Variants in MYO5C observed in about 807,000 individuals in gnomAD.
MYO5C encodes myosin VC.
In MYO5C, 194 loss-of-function variants were observed where a neutral mutation model predicts 235.7. The ratio of observed to expected loss-of-function variants is 0.82; its 90% confidence interval spans 0.73 to 0.93. MYO5C has a LOEUF of 0.93. Ranked by LOEUF, MYO5C falls within the 40% of genes least tolerant of loss-of-function variation. MYO5C has a pLI of 0.00. For synonymous variants in MYO5C, 707 were observed against 754.8 expected (o/e 0.94, Z 1.04); for missense variants, 2,038 against 2,127.2 (o/e 0.96, Z 0.82).
At chr15:52,245,119 G>C (rs2036309835) in intron 18 of MYO5C, among the ~76,000 whole-genome samples, 1 of 152,248 alleles carries the variant, frequency 6.6e-6, no homozygotes, top group South Asian at 2.1e-4. Flanking sequence ...GAGCTAAACA[G>C]GATACGAGGA....
At chr15:52,263,452 T>G (rs1596207628) in intron 9 of MYO5C, among the ~76,000 whole-genome samples, 1 of 152,180 alleles carries the variant, frequency 6.6e-6, no homozygotes, top group Non-Finnish European at 1.5e-5. Context: ...CACTGATGTC[T>G]GATTCAAGCA....
At chr15:52,260,784 C>T (rs1000090425) in intron 10 of MYO5C, 78 bp downstream of exon 10, 3 of 1,482,146 alleles carry the variant, frequency 2.0e-6, no homozygotes, top group Non-Finnish European at 2.8e-6. Context: ...ACAAAAGAAC[C>T]AGAACAAAAT....
At chr15:52,291,975 G>A (rs113037615) in intron 1 of MYO5C, among the ~76,000 whole-genome samples, 12,873 of 151,726 alleles carry the variant, frequency 0.085, 1,286 homozygotes, top group African/African-American at 0.24. Flanking sequence ...TCCTGACCTC[G>A]TGATCCGCCC....
At chr15:52,272,250 A>G (rs550622474) in intron 6 of MYO5C, among the ~76,000 whole-genome samples, 1 of 152,318 alleles carries the variant, frequency 6.6e-6, no homozygotes, top group Admixed American at 6.5e-5. Context: ...TCCCTTCCTG[A>G]TAGGAAAGCC....
At chr15:52,225,612 A>G (rs2141292483) in intron 25 of MYO5C, 80 bp from the exon 26 acceptor site, 1 of 959,352 alleles carries the variant, frequency 1.0e-6, no homozygotes, top group East Asian at 2.4e-5. Context: ...ACACAATTAC[A>G]GCGTTGCGTG....
rs974688338 is a variant in MYO5C, at chr15:52,274,675, C to CT, written c.606+886_606+887insA. Reference sequence around the variant, plus strand: ...GCTTTGCAGTGTTTCTTAGTACCCCCCCCCCGACATATGTTTCTATTTAAT... The same window carrying CT: ...GCTTTGCAGTGTTTCTTAGTACCCCCTCCCCCGACATATGTTTCTATTTAAT... On this transcript the variant is annotated intron_variant, in intron 5 of 40. Coordinates refer to ENST00000261839, the MANE Select transcript of MYO5C (RefSeq NM_018728.4). Among the ~76,000 whole-genome samples, 36 of 148,268 alleles carry CT rather than the reference C, an allele frequency of 2.4e-4. 1 individual carries two copies. Among genetic ancestry groups the CT allele is most frequent in the African/African-American group, 7.0e-4 (28 of 40,224 alleles).
rs139026067 is a variant in MYO5C at position 52,283,600 on chromosome 15, T to C, written c.28-708A>G. ...CATATGTTGAAGCCCTAACCCCCAA[T>C]TGACTATATCTGAGAAGGATCTTCA... On this transcript the variant is annotated intron_variant, in intron 1 of 40. Coordinates refer to ENST00000261839, the MANE Select transcript of MYO5C (RefSeq NM_018728.4). Among the ~76,000 whole-genome samples the C allele has an allele frequency of 9.2e-5, 14 of 152,198 alleles. No homozygotes were observed. The East Asian group carries it at 1.5e-3, about 17-fold the overall frequency.
intron 3 of MYO5C, 23 bp from the exon 4 acceptor site, chr15:52,279,040 G>T (rs2140856558): frequency 6.3e-7 from 1 of 1,590,018 alleles, no homozygotes; most frequent in Non-Finnish European, 8.6e-7. Context: ...GTTAGATGCA[G>T]TTAAAATACT....
intron 36 of MYO5C, among the ~76,000 whole-genome samples, chr15:52,207,203 G>T (rs987230027): frequency 6.6e-6 from 1 of 151,950 alleles, no homozygotes; most frequent in East Asian, 1.9e-4. Flanking sequence ...AGGAACAAGA[G>T]AAATTTTAGA....
At chr15:52,222,308 A>T (rs1337001681) in intron 29 of MYO5C, among the ~76,000 whole-genome samples, 1 of 152,170 alleles carries the variant, frequency 6.6e-6, no homozygotes, top group Non-Finnish European at 1.5e-5. Flanking sequence ...ATAAACAAAG[A>T]TGTAAAGGTC....
intron 40 of MYO5C, 142 bp from the exon 41 acceptor site, chr15:52,194,196 T>G (rs920248940): frequency 2.9e-6 from 2 of 694,632 alleles, no homozygotes; most frequent in African/African-American, 1.8e-5. Context: ...ATGAGAACTT[T>G]TTAACAACAG....
chr15:52,291,308 T>C (rs149390330), intron 1 of MYO5C, among the ~76,000 whole-genome samples: 9 of 152,262 alleles, frequency 5.9e-5, no homozygotes, highest in East Asian at 1.9e-4. Flanking sequence ...AGAGAAATGG[T>C]TGGTGGCACT....
rs763037199 is a variant in MYO5C, at chr15:52,221,222, AT to A, written c.3660del (p.Glu1220AspfsTer13). ...MIPDFKQQIS[E>X]LEKQKQDLEI... ...TCAAGATCTTGCTTCTGTTTCTCCA[AT>A]TCTGAAATTTGCTGTTTAAAGTCTG... On this transcript the variant is annotated frameshift_variant, in exon 30 of 41. Coordinates refer to ENST00000261839, the MANE Select transcript of MYO5C (RefSeq NM_018728.4). LOFTEE classifies it high-confidence loss of function. 1 of 1,612,946 alleles carries A rather than the reference AT, an allele frequency of 6.2e-7. No individual in the cohort carries two copies. The highest frequency in any genetic ancestry group is 2.2e-5 in the East Asian group (1 of 44,858).
intron 37 of MYO5C, 124 bp from the exon 38 acceptor site, chr15:52,205,271 A>G: frequency 9.1e-7 from 1 of 1,098,430 alleles, no homozygotes; most frequent in Non-Finnish European, 1.3e-6. Flanking sequence ...TGTACTTATG[A>G]TAGAGAAAGC....
At chr15:52,278,838 A>T in intron 4 of MYO5C, 35 bp downstream of exon 4, 1 of 1,610,434 alleles carries the variant, frequency 6.2e-7, no homozygotes. Context: ...GAGCATTGGC[A>T]GAGCAAGGGG....
intron 38 of MYO5C, among the ~76,000 whole-genome samples, chr15:52,201,779 A>C (rs1377205541): frequency 6.6e-6 from 1 of 152,114 alleles, no homozygotes; most frequent in Non-Finnish European, 1.5e-5. Context: ...AGGGAGGCTA[A>C]AGGGGCCTAC....
Position 52,256,339 on chromosome 15 carries a change from T to C in MYO5C, c.1395+300A>G, listed in dbSNP as rs908321190. 3.9e-5 allele frequency among the ~76,000 whole-genome samples: 6 copies of C among 151,978 alleles called. No homozygotes were observed. The East Asian group carries it at 1.2e-3, about 29-fold the overall frequency. The stretch of plus-strand genomic sequence containing the variant: ...AAAGACAGAGAGGCTCGAAAGAAAG[T>C]GGAGGCCTCAGGCAACCAACTAAAT... On this transcript the variant is annotated intron_variant, in intron 11 of 40. Coordinates refer to ENST00000261839, the MANE Select transcript of MYO5C (RefSeq NM_018728.4).
At chr15:52,209,885 AGAG>A (rs2035405796) in intron 35 of MYO5C, among the ~76,000 whole-genome samples, 1 of 152,202 alleles carries the variant, frequency 6.6e-6, no homozygotes, top group Non-Finnish European at 1.5e-5. Context: ...TTTTGGAAGG[AGAG>A]GAGAATTACC....
chr15:52,243,300 C>T lies in MYO5C; in HGVS notation c.2390+1056G>A, dbSNP rs189004898. On this transcript the variant is annotated intron_variant, in intron 19 of 40. Coordinates refer to ENST00000261839, the MANE Select transcript of MYO5C (RefSeq NM_018728.4). ...CATCAGAGTGCAAGGCAGGTGATGCCGTGAGCCTAAACTGGGGGCAGGAGT... is the reference window on the plus strand; with the variant it reads ...CATCAGAGTGCAAGGCAGGTGATGCTGTGAGCCTAAACTGGGGGCAGGAGT... The T allele has an allele frequency of 1.7e-3, 267 of 152,596 alleles. 1 individual carries two copies. Among genetic ancestry groups the T allele is most frequent in the African/African-American group, 5.6e-3 (232 of 41,562 alleles). The allele number at this position is 152,596 out of a possible 1,614,324, so 9.5% of individuals were successfully genotyped here. A position where few individuals can be genotyped will look rare whatever the true frequency, so the allele number is the denominator to read the frequency against.
Sources: gnomAD v4.1 joint callset for allele counts (sites outside exome capture counted in the v4.1 genomes callset) on GRCh38, gnomAD v4.1.1 for gene constraint, MANE v1.5 for transcripts, NCBI Gene and HGNC (gene_info 2026-07-23, HGNC 2026-07-21) for gene names.